Variants in FAM13C observed in about 807,000 individuals in gnomAD.
The protein encoded by FAM13C is protein FAM13C.
Under a neutral mutation model 73.2 loss-of-function variants are expected in FAM13C, and 37 were observed. The ratio of observed to expected loss-of-function variants is 0.51; its 90% CI spans 0.39 to 0.67. The LOEUF is 0.67. Among genes scored for constraint, FAM13C ranks in the 30% least tolerant of loss-of-function variants. The probability of loss-of-function intolerance (pLI) is 0.00; values close to 1 mark genes in which losing one functional copy is unlikely to be tolerated. For missense variants in FAM13C, 589 were observed against 715.6 expected, an observed-to-expected ratio of 0.82 and a Z score of 2.02; for synonymous variants, 246 against 260.9, an observed-to-expected ratio of 0.94 and a Z score of 0.55.
At position 59,344,590 on chromosome 10, in the gene FAM13C, A is replaced by G. The variant is rs72808587; in HGVS notation, c.324+7680T>C. 7.2e-3 allele frequency among the ~76,000 whole-genome samples: 1,100 copies of G among 152,096 alleles called. 6 individuals carry two copies. Among genetic ancestry groups the G allele is most frequent in the Non-Finnish European group, 0.012 (821 of 67,984 alleles). On this transcript the variant is annotated intron_variant, in intron 3 of 13. Transcript: ENST00000618804. ...AGCCATCACGCCCGGCCTGTAAACT[A>G]CTTCTAATCCCCTAAAATTTGAATG...
chr10:59,356,924 G>A lies in FAM13C; in HGVS notation c.63-981C>T, dbSNP rs1271133049. Among the ~76,000 whole-genome samples the A allele has an allele frequency of 2.0e-5, 3 of 152,288 alleles. No individual in the cohort carries two copies. The South Asian group carries it at 6.2e-4, about 32-fold the overall frequency. ...AAGAACAGACTTGCTGAGCCATCTG[G>A]CCTTCATCTTCCTCTTGTGCTGGAT... On this transcript the variant is annotated intron_variant, in intron 1 of 13. Transcript: ENST00000618804.
intron 2 of FAM13C, among the ~76,000 whole-genome samples, chr10:59,354,066 C>T (rs1855402214): frequency 6.6e-6 from 1 of 150,846 alleles, no homozygotes; most frequent in African/African-American, 2.4e-5. Flanking sequence ...AGAACAGCTG[C>T]CTTTACAGTT....
intron 4 of FAM13C, among the ~76,000 whole-genome samples, chr10:59,311,924 C>G (rs1205002675): frequency 1.3e-5 from 2 of 152,110 alleles, no homozygotes; most frequent in Non-Finnish European, 2.9e-5. Context: ...CTTCCTGTAC[C>G]CAGCTCCTCC....
At chr10:59,329,342 GTTTTTTTTTTTTTTT>G (rs71006247) in intron 3 of FAM13C, among the ~76,000 whole-genome samples, 9 of 77,300 alleles carry the variant, frequency 1.2e-4, no homozygotes, top group Admixed American at 1.9e-4. Flanking sequence ...TTTCTTTCTG[GTTTTTTTTTTTTTTT>G]TTTTTTTTTT....
chr10:59,289,446 C>A (rs1845969735), intron 5 of FAM13C, among the ~76,000 whole-genome samples: 2 of 152,180 alleles, frequency 1.3e-5, no homozygotes, highest in Admixed American at 1.3e-4. Context: ...GGACAGCTTG[C>A]AGTGAATGTG....
At chr10:59,278,737 A>C (rs1326883482) in intron 6 of FAM13C, among the ~76,000 whole-genome samples, 1 of 151,896 alleles carries the variant, frequency 6.6e-6, no homozygotes, top group Non-Finnish European at 1.5e-5. Context: ...TACTTTCCAT[A>C]ATAGTAGCCA....
intron 6 of FAM13C, among the ~76,000 whole-genome samples, chr10:59,275,972 C>T: frequency 6.6e-6 from 1 of 152,138 alleles, no homozygotes; most frequent in South Asian, 2.1e-4. Flanking sequence ...CCTTAGAAAA[C>T]AAGGGGTTAA....
intron 4 of FAM13C, among the ~76,000 whole-genome samples, chr10:59,323,689 T>G (rs1850670763): frequency 6.6e-6 from 1 of 152,140 alleles, no homozygotes; most frequent in South Asian, 2.1e-4. Context: ...TAGCATAGAA[T>G]AAAGAATAAG....
chr10:59,274,343 C>A (rs1050327388), intron 6 of FAM13C, among the ~76,000 whole-genome samples: 5 of 152,122 alleles, frequency 3.3e-5, no homozygotes, highest in East Asian at 1.9e-4. Context: ...ATAACCAAGG[C>A]GAGAAAACAG....
intron 12 of FAM13C, among the ~76,000 whole-genome samples, chr10:59,252,472 C>A (rs892738557): frequency 6.6e-6 from 1 of 151,652 alleles, no homozygotes; most frequent in African/African-American, 2.4e-5. Flanking sequence ...CTGTAAGATA[C>A]AAACCAAAGA....
intron 4 of FAM13C, among the ~76,000 whole-genome samples, chr10:59,308,993 GC>G (rs1405627063): frequency 6.6e-6 from 1 of 152,106 alleles, no homozygotes; most frequent in Non-Finnish European, 1.5e-5. Context: ...TTGTGAAAAC[GC>G]CACATTTTAG....
intron 10 of FAM13C, among the ~76,000 whole-genome samples, chr10:59,257,165 T>C (rs576466935): frequency 6.6e-6 from 1 of 152,320 alleles, no homozygotes; most frequent in African/African-American, 2.4e-5. Context: ...AAGAGGAGGT[T>C]GAGCAAGAGA....
intron 4 of FAM13C, among the ~76,000 whole-genome samples, chr10:59,315,010 A>G (rs1849358673): frequency 6.6e-6 from 1 of 152,232 alleles, no homozygotes; most frequent in Non-Finnish European, 1.5e-5. Context: ...AAAATAAAAA[A>G]TAAATCTGTT....
chr10:59,293,096 C>T (rs1475373888), intron 5 of FAM13C, among the ~76,000 whole-genome samples: 5 of 79,780 alleles, frequency 6.3e-5, no homozygotes, highest in African/African-American at 2.2e-4. Flanking sequence ...TTTTTTGAGA[C>T]GGAGTCTCAT....
chr10:59,278,602 AC>A (rs1844583460), intron 6 of FAM13C, among the ~76,000 whole-genome samples: 1 of 151,998 alleles, frequency 6.6e-6, no homozygotes, highest in Non-Finnish European at 1.5e-5. Flanking sequence ...AGGAATGTCC[AC>A]CCCCTCATTG....
At chr10:59,303,797 T>C (rs1001225342) in intron 4 of FAM13C, among the ~76,000 whole-genome samples, 1 of 152,220 alleles carries the variant, frequency 6.6e-6, no homozygotes, top group East Asian at 1.9e-4. Context: ...ATTTCTCTAA[T>C]GATCAGTGAT....
Position 59,252,922 on chromosome 10 carries a change from A to C in FAM13C, c.1409T>G (p.Leu470Arg). 1 of 1,614,122 alleles carries C rather than the reference A, an allele frequency of 6.2e-7. No homozygotes were observed. The highest frequency in any genetic ancestry group is 8.5e-7 in the Non-Finnish European group (1 of 1,179,990). ...QPSLADPASHLPVGDHLTYSN... is the reference protein window; with the variant it reads ...QPSLADPASHRPVGDHLTYSN... ...GTAGGTGAGGTGGTCACCAACAGGAAGGTGAGATGCTGGATCTGCCAAAGA... is the reference window on the plus strand; with the variant it reads ...GTAGGTGAGGTGGTCACCAACAGGACGGTGAGATGCTGGATCTGCCAAAGA... Residue 470 changes from leucine to arginine, a missense_variant, in exon 12 of 14, where the codon CTT becomes CGT. Leu to Arg is a moderately radical substitution (Grantham distance 102). Coordinates refer to ENST00000618804, the MANE Select transcript of FAM13C (RefSeq NM_198215.4).
chr10:59,298,912 A>G (rs913227105), intron 5 of FAM13C, among the ~76,000 whole-genome samples: 1 of 152,220 alleles, frequency 6.6e-6, no homozygotes, highest in African/African-American at 2.4e-5. Flanking sequence ...AATCTAAAAA[A>G]GCCAAACTTT....
At chr10:59,316,787 T>C (rs896219767) in intron 4 of FAM13C, among the ~76,000 whole-genome samples, 12 of 152,338 alleles carry the variant, frequency 7.9e-5, no homozygotes, top group African/African-American at 2.9e-4. Flanking sequence ...AATGTTATTA[T>C]GTGGTACATG....
Sources: gnomAD v4.1 joint callset for allele counts (sites outside exome capture counted in the v4.1 genomes callset) on GRCh38, gnomAD v4.1.1 for gene constraint, MANE v1.5 for transcripts, NCBI Gene and HGNC (gene_info 2026-07-23, HGNC 2026-07-21) for gene names.